The following TMEM176A variants were observed in gnomAD, a reference collection of about 807,000 sequenced individuals.
The protein encoded by TMEM176A is transmembrane protein 176A.
In TMEM176A, 20 loss-of-function variants were observed where a neutral mutation model predicts 27.9. The ratio of observed to expected loss-of-function variants is 0.72; its 90% confidence interval spans 0.50 to 1.04. TMEM176A has a LOEUF of 1.04. Ranked by LOEUF, TMEM176A falls within the 50% of genes least tolerant of loss-of-function variation. The probability of loss-of-function intolerance (pLI) is 0.00; values close to 1 mark genes in which losing one functional copy is unlikely to be tolerated. For missense variants in TMEM176A, 252 were observed against 289.1 expected (o/e 0.87, Z 0.93); for synonymous variants, 125 against 118.0 (o/e 1.06, Z -0.38).
At chr7:150,803,044 C>A in intron 3 of TMEM176A, 2 of 1,023,678 alleles carry the variant, frequency 2.0e-6, no homozygotes, top group Non-Finnish European at 2.3e-6. Context: ...ATAGACTCAC[C>A]CTTCATTGAG....
chr7:150,804,616 T>A, intron 6 of TMEM176A, 144 bp downstream of exon 6: 1 of 894,514 alleles, frequency 1.1e-6, no homozygotes, highest in Non-Finnish European at 1.7e-6. Context: ...TTCTACCCAG[T>A]GGTGGCCCAG....
intron 2 of TMEM176A, 162 bp downstream of exon 2, chr7:150,801,886 G>A: frequency 1.3e-6 from 1 of 773,962 alleles, no homozygotes; most frequent in Non-Finnish European, 2.0e-6. Context: ...GCCTGGGGAG[G>A]GGAGGCTCTG....
rs2116741143 is a variant in TMEM176A at position 150,803,684 on chromosome 7, G to C, written c.407G>C (p.Trp136Ser). The change falls in exon 5 of 7, where the codon TGG (tryptophan) becomes TCG (serine). Residue 136 changes from tryptophan (W) to serine (S), a missense_variant. Trp to Ser is a radical substitution (Grantham distance 177, BLOSUM62 -3). Coordinates refer to ENST00000004103, the MANE Select transcript of TMEM176A (RefSeq NM_018487.3). ...ACAGCCATCGCTGCCCTCAAACTTT[G>C]GAATGAAGATTTCCGATATGGCTAC... is the stretch of plus-strand genomic sequence containing the variant. ...FSTAIAALKL[W>S]NEDFRYGYSY... is the part of the protein sequence containing the mutation. 6.2e-7 allele frequency: 1 copy of C among 1,614,158 alleles called. No individual in the cohort carries two copies. Among genetic ancestry groups the C allele is most frequent in the Non-Finnish European group, 8.5e-7 (1 of 1,180,048 alleles).
chr7:150,803,855 C>A (rs1174650592), intron 5 of TMEM176A, 23 bp downstream of exon 5: 1 of 1,610,170 alleles, frequency 6.2e-7, no homozygotes, highest in Admixed American at 1.7e-5. Context: ...GGGGAAGGGG[C>A]AGCAGCAGGT....
intron 1 of TMEM176A, chr7:150,801,251 GACCCA>G: frequency 3.4e-6 from 1 of 293,066 alleles, no homozygotes; most frequent in Non-Finnish European, 6.2e-6. Context: ...GGCGCTGCTT[GACCCA>G]GACGCCAGGG....
At chr7:150,801,060 C>T in intron 1 of TMEM176A, 2 of 926,888 alleles carry the variant, frequency 2.2e-6, no homozygotes, top group Non-Finnish European at 2.6e-6. Flanking sequence ...GAGCAGCAGT[C>T]GGTGGAGCGG....
intron 3 of TMEM176A, chr7:150,803,176 T>G: frequency 7.8e-7 from 1 of 1,282,786 alleles, no homozygotes. Context: ...ACACCTGGCT[T>G]GACCACAAGC....
intron 2 of TMEM176A, 88 bp from the exon 3 acceptor site, chr7:150,802,127 T>C: frequency 1.1e-6 from 1 of 924,662 alleles, no homozygotes; most frequent in Non-Finnish European, 1.8e-6. Context: ...TCTCTCTACC[T>C]CTCCCTCTCT....
At chr7:150,801,442 T>G in intron 1 of TMEM176A, 94 bp from the exon 2 acceptor site, 2 of 1,331,092 alleles carry the variant, frequency 1.5e-6, no homozygotes, top group African/African-American at 1.5e-5. Context: ...TTGGGTGACT[T>G]TGAGCCACCA....
intron 2 of TMEM176A, 129 bp from the exon 3 acceptor site, chr7:150,802,083 TCTC>T (rs1379421698): frequency 3.6e-5 from 24 of 667,396 alleles, no homozygotes; most frequent in Non-Finnish European, 6.3e-5. Flanking sequence ...CCTTTTCTCT[TCTC>T]TTCTCTTCTC....
intron 2 of TMEM176A, 111 bp from the exon 3 acceptor site, chr7:150,802,104 C>CTCTTCTCTTT (rs1488189775): frequency 2.6e-6 from 2 of 768,044 alleles, no homozygotes; most frequent in Admixed American, 2.2e-5. Flanking sequence ...CTCTTCTCTT[C>CTCTTCTCTTT]TTTCTTTCTC....
rs113330466 is a variant in TMEM176A, at chr7:150,801,533, T to C, written c.-15-3T>C. On this transcript the variant is annotated splice_region_variant and splice_polypyrimidine_tract_variant and intron_variant, in intron 1 of 6. Transcript: ENST00000004103. ...TTCCTCTCTGGTGCTCCCTTCCTCATAGACTGTGTCCCTGACAATGGGAAC... is the reference window on the plus strand; with the variant it reads ...TTCCTCTCTGGTGCTCCCTTCCTCACAGACTGTGTCCCTGACAATGGGAAC... 3.4e-5 allele frequency: 53 copies of C among 1,581,120 alleles called. No individual in the cohort carries two copies. The African/African-American group carries it at 5.0e-4, about 15-fold the overall frequency.
chr7:150,803,020 A>G (rs1699784287), intron 3 of TMEM176A: 1 of 998,772 alleles, frequency 1.0e-6, no homozygotes, highest in Non-Finnish European at 1.2e-6. Flanking sequence ...TAGACCTAAC[A>G]GTGCCCACTC....
At position 150,803,643 on chromosome 7, in the gene TMEM176A, G is replaced by A. The variant is rs768412797; in HGVS notation, c.366G>A (p.Thr122=). 9.9e-6 allele frequency: 16 copies of A among 1,613,828 alleles called. No homozygotes were observed. Among genetic ancestry groups the A allele is most frequent in the Middle Eastern group, 1.6e-4 (1 of 6,080 alleles). The change falls in exon 5 of 7, where the codon ACG becomes ACA. Residue 122 remains threonine, a synonymous_variant. Transcript: ENST00000004103. ...AGGCCCTGCTGAGGACTCTGCTAAC[G>A]CTGGCAGCTTTCTCCACAGCCATCG... ...TYWALLRTLL[T]LAAFSTAIAA...
intron 1 of TMEM176A, 151 bp downstream of exon 1, chr7:150,800,979 G>A (rs960708719): frequency 1.2e-5 from 12 of 985,848 alleles, no homozygotes; most frequent in Non-Finnish European, 1.4e-5. Flanking sequence ...GTGCGGCCCC[G>A]GCTTTTGACC....
chr7:150,801,030 G>C, intron 1 of TMEM176A: 1 of 977,604 alleles, frequency 1.0e-6, no homozygotes, highest in Non-Finnish European at 1.2e-6. Context: ...GGGCAGGGGC[G>C]GCGTGAACCC....
At position 150,803,492 on chromosome 7, in the gene TMEM176A, T is replaced by A. The variant is rs775201272; in HGVS notation, c.342+36T>A. 8 of 1,575,476 alleles carry A rather than the reference T, an allele frequency of 5.1e-6. No homozygotes were observed. The South Asian group carries it at 9.6e-5, about 19-fold the overall frequency. On this transcript the variant is annotated intron_variant, in intron 4 of 6. Coordinates refer to ENST00000004103, the MANE Select transcript of TMEM176A (RefSeq NM_018487.3). Reference sequence around the variant, plus strand: ...GGAAGGGCATGGGAGGGGACCAGGTTCAGGCTGGAGGTCACCCCAATCTCC... The same window carrying A: ...GGAAGGGCATGGGAGGGGACCAGGTACAGGCTGGAGGTCACCCCAATCTCC...
chr7:150,803,097 C>G, intron 3 of TMEM176A: 1 of 1,079,522 alleles, frequency 9.3e-7, no homozygotes, highest in Non-Finnish European at 1.1e-6. Context: ...AGGATCCCAC[C>G]ATCCCTAGAA....
At position 150,801,639 on chromosome 7, in the gene TMEM176A, C is replaced by T. The variant is rs1798791714; in HGVS notation, c.89C>T (p.Ala30Val). ...CACATCCACCAGGAGTCTGCCCTGG[C>T]CAAGCTCCTGCTCACCTGCTGCTCT... is the stretch of plus-strand genomic sequence containing the variant. The part of the protein sequence containing the change: ...DVHIHQESAL[A>V]KLLLTCCSAL... The change falls in exon 2 of 7, where the codon GCC (alanine) becomes GTC (valine). Residue 30 changes from alanine (A) to valine (V), a missense_variant. Ala to Val is a moderately conservative substitution (Grantham distance 64). Transcript: ENST00000004103. The T allele has an allele frequency of 6.2e-7, 1 of 1,613,324 alleles. No homozygotes were observed. Among genetic ancestry groups the T allele is most frequent in the Admixed American group, 1.7e-5 (1 of 60,004 alleles).
Sources: gnomAD v4.1 joint callset for allele counts on GRCh38, gnomAD v4.1.1 for gene constraint, MANE v1.5 for transcripts, NCBI Gene and HGNC (gene_info 2026-07-23, HGNC 2026-07-21) for gene names.